Variants in ASXL3 observed in about 807,000 individuals in gnomAD.
ASXL3 encodes ASXL transcriptional regulator 3, also known as putative Polycomb group protein ASXL3.
Under a neutral mutation model 170.6 loss-of-function variants are expected in ASXL3, and 34 were observed. That is an observed-to-expected ratio of 0.20 (90% confidence interval 0.15 to 0.27). The LOEUF (loss-of-function observed/expected upper bound fraction) is 0.27, where lower values mean the gene tolerates loss of function less well. Among genes scored for constraint, ASXL3 ranks in the 10% least tolerant of loss-of-function variants. ASXL3 has a pLI of 1.00. For synonymous variants in ASXL3, 1,002 were observed against 989.1 expected (o/e 1.01, Z -0.24); for missense variants, 2,592 against 2,695.3 (o/e 0.96, Z 0.85).
At position 33,665,066 on chromosome 18, in the gene ASXL3, G is replaced by T. The variant is rs566925193; in HGVS notation, c.477+3329G>T. On this transcript the variant is annotated intron_variant, in intron 5 of 11. Coordinates refer to ENST00000269197, the MANE Select transcript of ASXL3 (RefSeq NM_030632.3). ...GGTATTTTAGTTATGATCCTAAAAAGTGTAAAAAGATTAGATTTTGAATTT... is the reference window on the plus strand; with the variant it reads ...GGTATTTTAGTTATGATCCTAAAAATTGTAAAAAGATTAGATTTTGAATTT... Among the ~76,000 whole-genome samples, 12 of 152,186 alleles carry T rather than the reference G, an allele frequency of 7.9e-5. No homozygotes were observed. In the South Asian group the frequency reaches 2.5e-3, roughly 32 times the overall value.
intron 5 of ASXL3, among the ~76,000 whole-genome samples, chr18:33,669,053 A>G (rs1392787958): frequency 1.3e-5 from 2 of 152,164 alleles, no homozygotes; most frequent in African/African-American, 4.8e-5. Flanking sequence ...ATGGGCAAAG[A>G]TGGACTTAAT....
At chr18:33,591,061 A>G (rs1322792630) in intron 1 of ASXL3, among the ~76,000 whole-genome samples, 1 of 152,146 alleles carries the variant, frequency 6.6e-6, no homozygotes, top group Non-Finnish European at 1.5e-5. Flanking sequence ...ATGAATCTTC[A>G]CTCATTTTCT....
intron 2 of ASXL3, among the ~76,000 whole-genome samples, chr18:33,631,248 G>A (rs2065672461): frequency 6.6e-6 from 1 of 152,054 alleles, no homozygotes; most frequent in Admixed American, 6.6e-5. Flanking sequence ...GACAGGAACA[G>A]CAGAGGAGCT....
chr18:33,691,861 C>A (rs1243593555), intron 8 of ASXL3, among the ~76,000 whole-genome samples: 1 of 152,108 alleles, frequency 6.6e-6, no homozygotes, highest in African/African-American at 2.4e-5. Flanking sequence ...ACAATATGTG[C>A]CAGTAATAAT....
Position 33,746,568 on chromosome 18 carries a change from T to C in ASXL3, c.6720T>C (p.Leu2240=). ...ACGACTGCATAGGTCCTTCAAAACT[T>C]TGTGTAGCATGCCTGGTTGTACGAT... ...CHDDCIGPSK[L]CVACLVVR Residue 2240 remains leucine (L), a synonymous_variant, in exon 12 of 12, where the codon CTT becomes CTC. Coordinates refer to ENST00000269197, the MANE Select transcript of ASXL3 (RefSeq NM_030632.3). 1.3e-6 allele frequency: 2 copies of C among 1,593,812 alleles called. No individual in the cohort carries two copies. The highest frequency in any genetic ancestry group is 1.1e-5 in the South Asian group (1 of 90,532).
intron 7 of ASXL3, among the ~76,000 whole-genome samples, chr18:33,682,041 TAA>T: frequency 6.6e-6 from 1 of 152,258 alleles, no homozygotes; most frequent in South Asian, 2.1e-4. Flanking sequence ...TTTTCATAAT[TAA>T]AAAAAGTCAC....
intron 2 of ASXL3, chr18:33,614,568 CTCTT>C (rs1204762267): frequency 6.6e-6 from 1 of 152,162 alleles, no homozygotes; most frequent in East Asian, 1.9e-4. Flanking sequence ...GCAGGGTGAA[CTCTT>C]CTCTGAAGAT....
At chr18:33,631,063 G>A (rs1289811390) in intron 2 of ASXL3, among the ~76,000 whole-genome samples, 1 of 151,856 alleles carries the variant, frequency 6.6e-6, no homozygotes, top group Non-Finnish European at 1.5e-5. Flanking sequence ...AAACCACAAA[G>A]GAAAAGATGG....
At chr18:33,618,108 A>C (rs1238275137) in intron 2 of ASXL3, among the ~76,000 whole-genome samples, 1 of 152,208 alleles carries the variant, frequency 6.6e-6, no homozygotes, top group Non-Finnish European at 1.5e-5. Context: ...TTCAGAAGGA[A>C]TAAAAATTAT....
intron 4 of ASXL3, among the ~76,000 whole-genome samples, chr18:33,659,800 CATATT>C: frequency 6.6e-6 from 1 of 151,972 alleles, no homozygotes; most frequent in Non-Finnish European, 1.5e-5. Flanking sequence ...GCAAAAAAAT[CATATT>C]AAGTAAAAAA....
chr18:33,688,223 T>C (rs2066629313), intron 8 of ASXL3, among the ~76,000 whole-genome samples: 1 of 152,200 alleles, frequency 6.6e-6, no homozygotes, highest in African/African-American at 2.4e-5. Context: ...GAGAGTGTGT[T>C]CATCATCTCC....
At chr18:33,694,354 G>A (rs1467882760) in intron 8 of ASXL3, among the ~76,000 whole-genome samples, 2 of 152,108 alleles carry the variant, frequency 1.3e-5, no homozygotes, top group South Asian at 2.1e-4. Flanking sequence ...GAACAATTTT[G>A]TGACCTTTTA....
chr18:33,649,888 C>A (rs62092364), intron 4 of ASXL3, among the ~76,000 whole-genome samples: 14,168 of 151,918 alleles, frequency 0.093, 789 homozygotes, highest in African/African-American at 0.14. Context: ...GATGTATTTT[C>A]AGAGCTGATA....
Position 33,713,667 on chromosome 18 carries a change from C to G in ASXL3, c.880-18301C>G, listed in dbSNP as rs911097257. The stretch of plus-strand genomic sequence containing the variant: ...ATGTCAGCAGTCAGGCCTGAGCATC[C>G]ATGTTGACATAACGGGGCGTAGGCC... On this transcript the variant is annotated intron_variant, in intron 8 of 11. Coordinates refer to ENST00000269197, the MANE Select transcript of ASXL3 (RefSeq NM_030632.3). 1.1e-4 allele frequency among the ~76,000 whole-genome samples: 16 copies of G among 152,248 alleles called. No homozygotes were observed. In the East Asian group the frequency reaches 2.9e-3, roughly 28 times the overall value.
intron 4 of ASXL3, among the ~76,000 whole-genome samples, chr18:33,658,286 T>G (rs773663867): frequency 6.6e-6 from 1 of 152,162 alleles, no homozygotes; most frequent in Non-Finnish European, 1.5e-5. Context: ...ATTATTTATT[T>G]ATCACATCTA....
At chr18:33,624,029 A>G (rs1039844385) in intron 2 of ASXL3, among the ~76,000 whole-genome samples, 2 of 152,120 alleles carry the variant, frequency 1.3e-5, no homozygotes, top group African/African-American at 2.4e-5. Context: ...GTGATTGTGC[A>G]TACCTGTGGT....
intron 2 of ASXL3, among the ~76,000 whole-genome samples, chr18:33,626,212 T>A (rs1268248550): frequency 1.3e-5 from 2 of 152,172 alleles, no homozygotes; most frequent in Admixed American, 1.3e-4. Flanking sequence ...TGGAAATTCT[T>A]TTACTTGGTT....
At chr18:33,720,163 C>T (rs2067235102) in intron 8 of ASXL3, among the ~76,000 whole-genome samples, 1 of 152,010 alleles carries the variant, frequency 6.6e-6, no homozygotes, top group Admixed American at 6.6e-5. Context: ...CTCAGGCACG[C>T]CCCATGCTAT....
At chr18:33,583,607 T>C (rs941741903) in intron 1 of ASXL3, among the ~76,000 whole-genome samples, 5 of 152,184 alleles carry the variant, frequency 3.3e-5, no homozygotes, top group African/African-American at 1.2e-4. Flanking sequence ...AATGTGAACT[T>C]AGACCTGGTG....
Sources: allele counts gnomAD v4.1 joint callset (sites outside exome capture counted in the v4.1 genomes callset), GRCh38; gene constraint gnomAD v4.1.1; transcripts MANE v1.5; gene names NCBI Gene and HGNC (gene_info 2026-07-23, HGNC 2026-07-21).